The following YWHAG variants were observed in gnomAD, a reference collection of about 807,000 sequenced individuals.
The protein encoded by YWHAG is tyrosine 3-monooxygenase/tryptophan 5-monooxygenase activation protein gamma.
YWHAG carries 1 observed loss-of-function variant against 23.3 expected under a neutral mutation model. The observed-to-expected ratio is 0.04, with a 90% CI of 0.02 to 0.20. YWHAG has a LOEUF of 0.20. Ranked by LOEUF, YWHAG falls within the 10% of genes least tolerant of loss-of-function variation. The pLI, the probability that YWHAG is intolerant of heterozygous loss-of-function variation, is 1.00. For synonymous variants in YWHAG, 160 were observed against 144.0 expected, an observed-to-expected ratio of 1.11 and a Z score of -0.80; for missense variants, 151 against 338.6, an observed-to-expected ratio of 0.45 and a Z score of 4.35.
intron 1 of YWHAG, among the ~76,000 whole-genome samples, chr7:76,350,872 TAA>T (rs1435213535): frequency 6.6e-6 from 1 of 151,996 alleles, no homozygotes; most frequent in Admixed American, 6.6e-5. Flanking sequence ...GAAAAATCGT[TAA>T]GTTAAACCAT....
chr7:76,342,436 G>A (rs566120090), intron 1 of YWHAG, among the ~76,000 whole-genome samples: 6 of 152,334 alleles, frequency 3.9e-5, no homozygotes, highest in Admixed American at 6.5e-5. Context: ...ACACTCCTGT[G>A]AGAACTTGGT....
intron 1 of YWHAG, among the ~76,000 whole-genome samples, chr7:76,337,346 G>A (rs1209490753): frequency 2.0e-5 from 3 of 152,116 alleles, no homozygotes; most frequent in Admixed American, 6.6e-5. Flanking sequence ...TGCTAGGCAG[G>A]CAGAGGGTAC....
chr7:76,356,303 A>G (rs1803955279), intron 1 of YWHAG, among the ~76,000 whole-genome samples: 1 of 152,224 alleles, frequency 6.6e-6, no homozygotes, highest in African/African-American at 2.4e-5. Context: ...GTCCCATTTT[A>G]CAGATGAGGA....
rs71085403 is a variant in YWHAG at position 76,327,668 on chromosome 7, G to GCCC, written c.*1906_*1908dup. The GCCC allele has an allele frequency of 5.9e-4, 28 of 47,104 alleles. No homozygotes were observed. The highest frequency in any genetic ancestry group is 1.3e-3 in the African/African-American group (10 of 7,894). 2.9% of individuals were successfully genotyped at this position (47,104 alleles called of 1,614,324 possible). On this transcript the variant is annotated 3_prime_UTR_variant, in exon 2 of 2. Coordinates refer to ENST00000307630, the MANE Select transcript of YWHAG (RefSeq NM_012479.4). The stretch of plus-strand genomic sequence containing the variant: ...AATTAGGGAAAGCCCCACCTACCCT[G>GCCC]CCCCCCCCCCCCTCCCCCCCCAAAT...
chr7:76,334,200 A>C (rs1340218627), intron 1 of YWHAG, among the ~76,000 whole-genome samples: 1 of 152,232 alleles, frequency 6.6e-6, no homozygotes, highest in East Asian at 1.9e-4. Context: ...CCTTTAGATC[A>C]TAATTACTTG....
At position 76,330,086 on chromosome 7, in the gene YWHAG, T is replaced by A; in HGVS notation, c.235A>T (p.Ile79Phe). 1 of 1,614,158 alleles carries A rather than the reference T, an allele frequency of 6.2e-7. No individual in the cohort carries two copies. Among genetic ancestry groups the A allele is most frequent in the Non-Finnish European group, 8.5e-7 (1 of 1,180,036 alleles). Residue 79 changes from isoleucine (I) to phenylalanine (F), a missense_variant, in exon 2 of 2, where the codon ATT (isoleucine) becomes TTT (phenylalanine). By Grantham distance (21) the Ile-to-Phe change is conservative. Transcript: ENST00000307630. ...KTSADGNEKK[I>F]EMVRAYREKI... Reference sequence around the variant, plus strand: ...TCCCGGTACGCACGGACCATCTCAATCTTCTTCTCATTGCCGTCTGCAGAT... The same window carrying A: ...TCCCGGTACGCACGGACCATCTCAAACTTCTTCTCATTGCCGTCTGCAGAT...
chr7:76,358,367 G>C (rs898839870), intron 1 of YWHAG, among the ~76,000 whole-genome samples: 8 of 152,308 alleles, frequency 5.3e-5, no homozygotes, highest in South Asian at 4.2e-4. Context: ...CTAGGAGGAG[G>C]GGGGAAGTGG....
intron 1 of YWHAG, 117 bp from the exon 2 acceptor site, chr7:76,330,350 A>G: frequency 1.8e-6 from 2 of 1,135,218 alleles, no homozygotes; most frequent in Non-Finnish European, 2.4e-6. Context: ...GAAGGAAATT[A>G]CTTTGTGTGG....
chr7:76,356,351 A>C (rs557553253), intron 1 of YWHAG, among the ~76,000 whole-genome samples: 12 of 152,222 alleles, frequency 7.9e-5, no homozygotes, highest in Non-Finnish European at 1.5e-5. Flanking sequence ...AAGTCACAGG[A>C]AACAGATTTG....
chr7:76,350,799 G>A (rs1018997890), intron 1 of YWHAG, among the ~76,000 whole-genome samples: 23 of 152,040 alleles, frequency 1.5e-4, no homozygotes, highest in East Asian at 5.8e-4. Context: ...AGCTGAGATC[G>A]CGCCACTGCA....
At chr7:76,334,777 C>G (rs1333114593) in intron 1 of YWHAG, among the ~76,000 whole-genome samples, 5 of 152,004 alleles carry the variant, frequency 3.3e-5, no homozygotes. Context: ...GGGTCTCACT[C>G]TGTTGCCCAG....
intron 1 of YWHAG, among the ~76,000 whole-genome samples, chr7:76,357,308 C>G (rs747130432): frequency 6.6e-6 from 1 of 152,188 alleles, no homozygotes; most frequent in Non-Finnish European, 1.5e-5. Context: ...AAGAATTGAT[C>G]TGTAATATCA....
At chr7:76,347,552 C>A (rs1803798702) in intron 1 of YWHAG, among the ~76,000 whole-genome samples, 1 of 151,960 alleles carries the variant, frequency 6.6e-6, no homozygotes, top group Admixed American at 6.6e-5. Context: ...TGCCATTGAA[C>A]TCCAGCCTGG....
At chr7:76,333,405 GTCT>G (rs1298001959) in intron 1 of YWHAG, among the ~76,000 whole-genome samples, 4 of 152,208 alleles carry the variant, frequency 2.6e-5, no homozygotes, top group Non-Finnish European at 5.9e-5. Flanking sequence ...GCCCAGCAAA[GTCT>G]TCTTGAAAAA....
intron 1 of YWHAG, among the ~76,000 whole-genome samples, chr7:76,346,282 C>T (rs1803778585): frequency 6.6e-6 from 1 of 152,154 alleles, no homozygotes. Context: ...AAGTGCCAAC[C>T]ACTCCCTAGC....
Position 76,358,958 on chromosome 7 carries a change from G to A in YWHAG, c.-150C>T. ...CGGCTGCGCGGAGGAGGCGGCTGGA[G>A]CTGCGACCGCGGGACCGGGCGCGAG... On this transcript the variant is annotated 5_prime_UTR_variant, in exon 1 of 2. Transcript: ENST00000307630. 1 of 647,754 alleles carries A rather than the reference G, an allele frequency of 1.5e-6. No homozygotes were observed. The highest frequency in any genetic ancestry group is 2.3e-6 in the Non-Finnish European group (1 of 429,202). The allele number at this position is 647,754 out of a possible 1,614,324, so 40.1% of individuals were successfully genotyped here. A position where few individuals can be genotyped will look rare whatever the true frequency, so the allele number is the denominator to read the frequency against.
At chr7:76,356,454 A>T (rs952792676) in intron 1 of YWHAG, among the ~76,000 whole-genome samples, 13 of 152,192 alleles carry the variant, frequency 8.5e-5, no homozygotes, top group Non-Finnish European at 1.2e-4. Context: ...CCCAAATCTC[A>T]ACTTAAAAGG....
At chr7:76,342,486 T>C (rs1224161747) in intron 1 of YWHAG, among the ~76,000 whole-genome samples, 6 of 152,178 alleles carry the variant, frequency 3.9e-5, no homozygotes, top group Non-Finnish European at 7.3e-5. Context: ...CTTGACTTCT[T>C]CATATCAAGG....
chr7:76,350,453 C>T (rs1803857229), intron 1 of YWHAG, among the ~76,000 whole-genome samples: 1 of 152,232 alleles, frequency 6.6e-6, no homozygotes, highest in Admixed American at 6.5e-5. Flanking sequence ...ATACCAGATA[C>T]TCCTCCATGT....
Sources: gnomAD v4.1 joint callset for allele counts (sites outside exome capture counted in the v4.1 genomes callset) on GRCh38, gnomAD v4.1.1 for gene constraint, MANE v1.5 for transcripts, NCBI Gene and HGNC (gene_info 2026-07-23, HGNC 2026-07-21) for gene names.